Variants in DHX15 observed in about 807,000 individuals in gnomAD.
DHX15 encodes the protein DEAH-box helicase 15.
A neutral mutation model predicts 94.4 loss-of-function variants in DHX15; 11 were observed. The ratio of observed to expected loss-of-function variants is 0.12; its 90% CI spans 0.07 to 0.19. DHX15 has a LOEUF of 0.19. Among genes scored for constraint, DHX15 ranks in the 10% least tolerant of loss-of-function variants. The pLI is 1.00. For missense variants in DHX15, 304 were observed against 988.5 expected (o/e 0.31, Z 9.29); for synonymous variants, 338 against 329.9 (o/e 1.02, Z -0.27).
At chr4:24,553,160 CA>C (rs2109405692) in intron 5 of DHX15, among the ~76,000 whole-genome samples, 1 of 151,816 alleles carries the variant, frequency 6.6e-6, no homozygotes, top group South Asian at 2.1e-4. Context: ...CCATCTCTAC[CA>C]AAAATACCAA....
chr4:24,534,221 T>C (rs1462822326), intron 11 of DHX15: 1 of 152,162 alleles, frequency 6.6e-6, no homozygotes, highest in African/African-American at 2.4e-5. Flanking sequence ...CTTTGGGAGC[T>C]GAAACAGCAC....
At chr4:24,531,888 A>G (rs982989236) in intron 12 of DHX15, among the ~76,000 whole-genome samples, 2 of 152,234 alleles carry the variant, frequency 1.3e-5, no homozygotes, top group African/African-American at 4.8e-5. Flanking sequence ...ACACTGTGTT[A>G]CTTAGATTCA....
intron 5 of DHX15, among the ~76,000 whole-genome samples, chr4:24,552,361 A>C (rs1721627364): frequency 6.6e-6 from 1 of 152,244 alleles, no homozygotes; most frequent in South Asian, 2.1e-4. Context: ...TTTACTAAGC[A>C]AAATTAAAAA....
At position 24,582,390 on chromosome 4, in the gene DHX15, T is replaced by G. The variant is rs192939737; in HGVS notation, c.71+1933A>C. Among the ~76,000 whole-genome samples the G allele has an allele frequency of 2.0e-5, 3 of 152,290 alleles. No individual in the cohort carries two copies. In the East Asian group the frequency reaches 5.8e-4, roughly 29 times the overall value. On this transcript the variant is annotated intron_variant, in intron 1 of 13. Coordinates refer to ENST00000336812, the MANE Select transcript of DHX15 (RefSeq NM_001358.3). ...GGATATCTGTTTTTGCAAGAGAAAG[T>G]AAACAATCGCACATACATATGGTGG...
At chr4:24,573,205 C>T (rs1476719126) in intron 2 of DHX15, among the ~76,000 whole-genome samples, 2 of 152,220 alleles carry the variant, frequency 1.3e-5, no homozygotes, top group African/African-American at 4.8e-5. Flanking sequence ...GCCACTGTAC[C>T]CAGCCAGGTC....
intron 3 of DHX15, among the ~76,000 whole-genome samples, chr4:24,561,344 G>A (rs1472373005): frequency 6.6e-6 from 1 of 152,194 alleles, no homozygotes; most frequent in Non-Finnish European, 1.5e-5. Flanking sequence ...AAAAGGGAAT[G>A]CTTATCCACT....
intron 11 of DHX15, among the ~76,000 whole-genome samples, chr4:24,535,453 T>G (rs776171577): frequency 3.9e-5 from 6 of 152,174 alleles, no homozygotes; most frequent in Non-Finnish European, 8.8e-5. Context: ...GTTTTTTGAG[T>G]AGATCTGTCT....
At position 24,527,626 on chromosome 4, in the gene DHX15, A is replaced by T. The variant is rs1577329294; in HGVS notation, c.*298T>A. 7.7e-6 allele frequency: 2 copies of T among 259,384 alleles called. No individual in the cohort carries two copies. The highest frequency in any genetic ancestry group is 9.7e-5 in the Admixed American group (2 of 20,628). The allele number at this position is 259,384 out of a possible 1,614,324, so 16.1% of individuals were successfully genotyped here. The stretch of plus-strand genomic sequence containing the variant: ...ATACCATGGTCGATAATCACATTTT[A>T]GAAGCATTTTCAACCATTTCTAAAG... On this transcript the variant is annotated 3_prime_UTR_variant, in exon 14 of 14. Transcript: ENST00000336812.
chr4:24,561,333 G>A (rs1277014128), intron 3 of DHX15, among the ~76,000 whole-genome samples: 2 of 152,168 alleles, frequency 1.3e-5, no homozygotes, highest in South Asian at 4.1e-4. Context: ...AGGTTGTAGA[G>A]AAAAGGGAAT....
chr4:24,556,616 T>C (rs772667957), intron 3 of DHX15, among the ~76,000 whole-genome samples: 1 of 152,208 alleles, frequency 6.6e-6, no homozygotes, highest in East Asian at 1.9e-4. Flanking sequence ...ATATGCTTCA[T>C]CAATTCTTGA....
At chr4:24,567,223 T>C (rs529316410) in intron 3 of DHX15, among the ~76,000 whole-genome samples, 32 of 152,308 alleles carry the variant, frequency 2.1e-4, no homozygotes, top group African/African-American at 7.5e-4. Context: ...ATCAAATTGT[T>C]TTCTTCCCTA....
At chr4:24,575,492 C>T (rs762800759) in intron 2 of DHX15, among the ~76,000 whole-genome samples, 12 of 152,306 alleles carry the variant, frequency 7.9e-5, no homozygotes, top group South Asian at 2.1e-4. Flanking sequence ...CATTAGAATG[C>T]AATTTTTCAC....
intron 6 of DHX15, among the ~76,000 whole-genome samples, chr4:24,547,921 ATATATATATATATATATATAT>A (rs1721474726): frequency 1.1e-5 from 1 of 89,176 alleles, no homozygotes; most frequent in African/African-American, 4.9e-5. Flanking sequence ...ATATATATAT[ATATATATATATATATATATAT>A]CTATATCTAT....
In DHX15 at chr4:24,540,259, G is replaced by A; in HGVS notation, c.1635C>T (p.Tyr545=). The change falls in exon 10 of 14, where the codon TAC becomes TAT. Residue 545 remains tyrosine, a synonymous_variant. Transcript: ENST00000336812. Reference sequence around the variant, plus strand: ...CTCCATCATCATTTAAAGCAGCCAGGTAATTCAAAAGTTCCAGGGCTCTCA... The same window carrying A: ...CTCCATCATCATTTAAAGCAGCCAGATAATTCAAAAGTTCCAGGGCTCTCA... ...TLMRALELLN[Y]LAALNDDGDL... 1 of 1,613,248 alleles carries A rather than the reference G, an allele frequency of 6.2e-7. No individual in the cohort carries two copies.
At position 24,547,909 on chromosome 4, in the gene DHX15, A is replaced by ATGTGTG. The variant is rs1447942034; in HGVS notation, c.1248+945_1248+946insCACACA. On this transcript the variant is annotated intron_variant, in intron 6 of 13. Transcript: ENST00000336812. ...TCTCTCTATGTATGTATGTGTATAT[A>ATGTGTG]TATATATATATATATATATATATAT... Among the ~76,000 whole-genome samples, 4 of 83,338 alleles carry ATGTGTG rather than the reference A, an allele frequency of 4.8e-5. No individual in the cohort carries two copies. In the East Asian group the frequency reaches 1.1e-3, roughly 23 times the overall value. 54.7% of individuals were successfully genotyped at this position (83,338 alleles called of 152,430 possible). A position where few individuals can be genotyped will look rare whatever the true frequency, so the allele number is the denominator to read the frequency against.
intron 6 of DHX15, among the ~76,000 whole-genome samples, chr4:24,546,163 C>T (rs973017393): frequency 6.6e-6 from 1 of 152,198 alleles, no homozygotes; most frequent in African/African-American, 2.4e-5. Flanking sequence ...GTCTCCAACA[C>T]AAGGACATCA....
chr4:24,563,882 A>G (rs1286428966), intron 3 of DHX15, among the ~76,000 whole-genome samples: 1 of 151,960 alleles, frequency 6.6e-6, no homozygotes, highest in African/African-American at 2.4e-5. Context: ...TGGCTAACAC[A>G]GTGAAACCCG....
intron 12 of DHX15, among the ~76,000 whole-genome samples, chr4:24,531,564 A>G (rs1721084773): frequency 6.6e-6 from 1 of 152,054 alleles, no homozygotes; most frequent in Non-Finnish European, 1.5e-5. Context: ...ACAAAAAGGC[A>G]AAAATTAGCT....
Position 24,576,691 on chromosome 4 carries a change from A to G in DHX15, c.72-13T>C. ...ATCTCGATCCTTCCTAAAAACAAAA[A>G]TTTAGAATTCAGATTCTGAATTTTA... On this transcript the variant is annotated splice_polypyrimidine_tract_variant and intron_variant, in intron 1 of 13. Coordinates refer to ENST00000336812, the MANE Select transcript of DHX15 (RefSeq NM_001358.3). 6.2e-7 allele frequency: 1 copy of G among 1,607,136 alleles called. No homozygotes were observed. Among genetic ancestry groups the G allele is most frequent in the Admixed American group, 1.7e-5 (1 of 59,568 alleles).
Sources: allele counts gnomAD v4.1 joint callset (sites outside exome capture counted in the v4.1 genomes callset), GRCh38; gene constraint gnomAD v4.1.1; transcripts MANE v1.5; gene names NCBI Gene and HGNC (gene_info 2026-07-23, HGNC 2026-07-21).